Variants in AMPH observed in about 807,000 individuals in gnomAD.
AMPH encodes amphiphysin, also known as amphiphysin (Stiff-Mann syndrome with breast cancer 128kD autoantigen).
AMPH carries 49 observed loss-of-function variants against 99.1 expected under a neutral mutation model. The observed-to-expected ratio is 0.49, with a 90% CI of 0.39 to 0.63. The LOEUF is 0.63. Ranked by LOEUF, AMPH falls within the 20% of genes least tolerant of loss-of-function variation. The pLI, the probability that AMPH is intolerant of heterozygous loss-of-function variation, is 0.00. For missense variants in AMPH, 759 were observed against 863.4 expected (o/e 0.88, Z 1.52); for synonymous variants, 314 against 317.3 (o/e 0.99, Z 0.11).
At chr7:38,489,713 G>T (rs541169326) in intron 5 of AMPH, among the ~76,000 whole-genome samples, 1 of 152,134 alleles carries the variant, frequency 6.6e-6, no homozygotes, top group South Asian at 2.1e-4. Flanking sequence ...AATCGGCAAT[G>T]GACTAGAATA....
intron 15 of AMPH, 40 bp from the exon 16 acceptor site, chr7:38,422,517 A>T: frequency 1.3e-6 from 2 of 1,516,538 alleles, no homozygotes; most frequent in South Asian, 2.3e-5. Flanking sequence ...TTTTTTAAAG[A>T]TATTTAAATC....
chr7:38,612,027 G>T (rs1458233003), intron 1 of AMPH, among the ~76,000 whole-genome samples: 1 of 148,340 alleles, frequency 6.7e-6, no homozygotes, highest in Non-Finnish European at 1.5e-5. Flanking sequence ...GCTCACTTCT[G>T]TTCCAGCTCT....
chr7:38,389,684 C>T (rs1443711893), intron 20 of AMPH, 120 bp downstream of exon 20: 2 of 808,210 alleles, frequency 2.5e-6, no homozygotes, highest in Non-Finnish European at 2.1e-6. Context: ...CCCTTAAGCC[C>T]TTTTCAGATG....
chr7:38,446,885 C>A (rs1186526985), intron 11 of AMPH, among the ~76,000 whole-genome samples: 1 of 152,036 alleles, frequency 6.6e-6, no homozygotes. Context: ...CAGTGCTCTG[C>A]TGCTATTTAA....
intron 18 of AMPH, 149 bp downstream of exon 18, chr7:38,393,856 G>C: frequency 1.4e-6 from 1 of 728,274 alleles, no homozygotes; most frequent in South Asian, 1.8e-5. Context: ...GTCTTTCTGA[G>C]AATCTGATAA....
At chr7:38,554,587 C>T (rs1014661724) in intron 1 of AMPH, among the ~76,000 whole-genome samples, 1 of 152,122 alleles carries the variant, frequency 6.6e-6, no homozygotes, top group Non-Finnish European at 1.5e-5. Context: ...AACTAAATAT[C>T]CAAAAATAGT....
At chr7:38,451,380 ACATG>A (rs1787022387) in intron 11 of AMPH, among the ~76,000 whole-genome samples, 1 of 151,248 alleles carries the variant, frequency 6.6e-6, no homozygotes, top group South Asian at 2.1e-4. Context: ...GTGTATATAC[ACATG>A]TATATATACA....
chr7:38,509,891 T>C (rs1789474526), intron 2 of AMPH, among the ~76,000 whole-genome samples: 1 of 152,046 alleles, frequency 6.6e-6, no homozygotes, highest in Admixed American at 6.6e-5. Flanking sequence ...GCTAGCTCTA[T>C]CTATAACATT....
At chr7:38,447,775 CACA>C (rs1786848341) in intron 11 of AMPH, among the ~76,000 whole-genome samples, 1 of 149,692 alleles carries the variant, frequency 6.7e-6, no homozygotes, top group Non-Finnish European at 1.5e-5. Context: ...CACACACACA[CACA>C]CCCATACACA....
intron 7 of AMPH, among the ~76,000 whole-genome samples, chr7:38,473,308 G>T (rs1013312486): frequency 2.6e-5 from 4 of 152,204 alleles, no homozygotes; most frequent in South Asian, 2.1e-4. Flanking sequence ...AGCTGTTGAA[G>T]ATGATGATAA....
At chr7:38,530,613 T>C (rs1370157255) in intron 2 of AMPH, among the ~76,000 whole-genome samples, 1 of 152,206 alleles carries the variant, frequency 6.6e-6, no homozygotes, top group East Asian at 1.9e-4. Context: ...CTTCTTTTAA[T>C]TAGCACACTT....
chr7:38,505,899 A>G (rs2043787), intron 2 of AMPH, among the ~76,000 whole-genome samples: 70,022 of 151,846 alleles, frequency 0.46, 16,267 homozygotes, highest in Admixed American at 0.49. Flanking sequence ...TTGTCAATCT[A>G]TGCTGCAACT....
At chr7:38,584,504 T>A (rs139498453) in intron 1 of AMPH, among the ~76,000 whole-genome samples, 8 of 152,326 alleles carry the variant, frequency 5.3e-5, no homozygotes, top group African/African-American at 1.7e-4. Flanking sequence ...ACCGTCCTTT[T>A]CTGACAATGC....
chr7:38,498,818 A>G (rs2129024504), intron 3 of AMPH, among the ~76,000 whole-genome samples: 1 of 152,344 alleles, frequency 6.6e-6, no homozygotes, highest in South Asian at 2.1e-4. Context: ...TCCCCATATG[A>G]TATGATACAT....
intron 11 of AMPH, among the ~76,000 whole-genome samples, chr7:38,442,646 T>G (rs1352535264): frequency 6.6e-6 from 1 of 152,142 alleles, no homozygotes; most frequent in Non-Finnish European, 1.5e-5. Context: ...ATTGGAAACC[T>G]GAATGGAAAT....
chr7:38,469,792 C>T (rs1166489603), intron 7 of AMPH, among the ~76,000 whole-genome samples: 1 of 152,142 alleles, frequency 6.6e-6, no homozygotes, highest in Non-Finnish European at 1.5e-5. Flanking sequence ...CCAGCCAAAA[C>T]ATGAGCCCTC....
At chr7:38,615,581 C>T (rs1793845548) in intron 1 of AMPH, among the ~76,000 whole-genome samples, 1 of 151,942 alleles carries the variant, frequency 6.6e-6, no homozygotes, top group Non-Finnish European at 1.5e-5. Flanking sequence ...GAAAATATAC[C>T]CCAATTTTCT....
At chr7:38,459,174 A>G (rs1787347895) in intron 11 of AMPH, among the ~76,000 whole-genome samples, 2 of 152,236 alleles carry the variant, frequency 1.3e-5, no homozygotes, top group South Asian at 4.1e-4. Flanking sequence ...TAGCCAAGGA[A>G]GTGAAAGATC....
chr7:38,429,745 A>G (rs1284324983), intron 14 of AMPH, 97 bp downstream of exon 14: 1 of 1,410,564 alleles, frequency 7.1e-7, no homozygotes, highest in African/African-American at 1.4e-5. Flanking sequence ...TATGACTAGC[A>G]ATGCCATGGG....
Sources: allele counts gnomAD v4.1 joint callset (sites outside exome capture counted in the v4.1 genomes callset), GRCh38; gene constraint gnomAD v4.1.1; transcripts MANE v1.5; gene names NCBI Gene and HGNC (gene_info 2026-07-23, HGNC 2026-07-21).